The following CATSPERB variants were observed in gnomAD, a reference collection of about 807,000 sequenced individuals.
The protein encoded by CATSPERB is catsper channel auxiliary subunit beta, also known as cation channel sperm-associated auxiliary subunit beta.
A neutral mutation model predicts 128.3 loss-of-function variants in CATSPERB; 93 were observed. That is an observed-to-expected ratio of 0.72 (90% confidence interval 0.61 to 0.86). The LOEUF is 0.86. Ranked by LOEUF, CATSPERB falls within the 40% of genes least tolerant of loss-of-function variation. The pLI is 0.00. For missense variants in CATSPERB, 1,153 were observed against 1,329.5 expected (o/e 0.87, Z 2.06); for synonymous variants, 381 against 448.8 (o/e 0.85, Z 1.91).
intron 7 of CATSPERB, among the ~76,000 whole-genome samples, chr14:91,700,025 C>T (rs914908874): frequency 5.3e-5 from 8 of 151,878 alleles, no homozygotes; most frequent in African/African-American, 1.9e-4. Flanking sequence ...TGGTGGTTTG[C>T]TGCACCCATC....
intron 14 of CATSPERB, among the ~76,000 whole-genome samples, chr14:91,667,829 T>G (rs963045587): frequency 1.3e-5 from 2 of 152,156 alleles, no homozygotes; most frequent in Non-Finnish European, 2.9e-5. Context: ...ACCTCTGGAG[T>G]TGGGCAACAT....
intron 23 of CATSPERB, among the ~76,000 whole-genome samples, chr14:91,590,817 A>AT (rs1002626896): frequency 8.0e-5 from 12 of 150,690 alleles, no homozygotes; most frequent in African/African-American, 1.5e-4. Flanking sequence ...CGCCCGGCTA[A>AT]TTTTTTTGTA....
intron 22 of CATSPERB, among the ~76,000 whole-genome samples, chr14:91,597,182 G>A (rs61991989): frequency 0.13 from 19,546 of 151,920 alleles, 1,384 homozygotes; most frequent in Non-Finnish European, 0.17. Flanking sequence ...GAACCACAGC[G>A]CCTGGCCAAA....
intron 26 of CATSPERB, among the ~76,000 whole-genome samples, chr14:91,584,617 T>C (rs1343060193): frequency 6.6e-6 from 1 of 152,222 alleles, no homozygotes; most frequent in Non-Finnish European, 1.5e-5. Context: ...CTTAGTTTTC[T>C]CTCATTTGAG....
intron 5 of CATSPERB, among the ~76,000 whole-genome samples, chr14:91,711,044 G>A (rs911462540): frequency 7.2e-5 from 11 of 152,020 alleles, no homozygotes; most frequent in African/African-American, 2.4e-4. Context: ...ACTGATTAGG[G>A]GCTCAGCGTA....
Position 91,667,458 on chromosome 14 carries a change from G to A in CATSPERB, c.1287+2356C>T, listed in dbSNP as rs117349231. Among the ~76,000 whole-genome samples the A allele has an allele frequency of 7.3e-4, 111 of 152,258 alleles. 1 individual carries two copies. In the East Asian group the frequency reaches 0.02, roughly 28 times the overall value. On this transcript the variant is annotated intron_variant, in intron 14 of 26. Transcript: ENST00000256343. ...GACAGAAGGAAAGAGAGAGATAGAAGTAGTCAAGAAAAAACAGCGTACCCT... is the reference window on the plus strand; with the variant it reads ...GACAGAAGGAAAGAGAGAGATAGAAATAGTCAAGAAAAAACAGCGTACCCT...
At chr14:91,630,996 C>T (rs1894265255) in intron 17 of CATSPERB, among the ~76,000 whole-genome samples, 1 of 152,212 alleles carries the variant, frequency 6.6e-6, no homozygotes, top group African/African-American at 2.4e-5. Flanking sequence ...TCACTGTATG[C>T]AACTTCTTTA....
At chr14:91,641,118 T>G (rs1894490534) in intron 15 of CATSPERB, among the ~76,000 whole-genome samples, 1 of 141,500 alleles carries the variant, frequency 7.1e-6, no homozygotes, top group Non-Finnish European at 1.5e-5. Flanking sequence ...TTGAGTTCAT[T>G]GTAGATTCTG....
rs1418779042 is a variant in CATSPERB at position 91,728,268 on chromosome 14, T to C, written c.79+1133A>G. On this transcript the variant is annotated intron_variant, in intron 2 of 26. Transcript: ENST00000256343. Reference sequence around the variant, plus strand: ...TAGCTGGGACTGCAGGTGAGCACCATCACACCTGGCTAAATTTTGTATTTT... The same window carrying C: ...TAGCTGGGACTGCAGGTGAGCACCACCACACCTGGCTAAATTTTGTATTTT... Among the ~76,000 whole-genome samples the C allele has an allele frequency of 2.6e-5, 4 of 151,976 alleles. 1 individual carries two copies. Among genetic ancestry groups the C allele is most frequent in the African/African-American group, 9.7e-5 (4 of 41,370 alleles).
At chr14:91,592,924 C>T (rs1451972233) in intron 22 of CATSPERB, among the ~76,000 whole-genome samples, 3 of 152,172 alleles carry the variant, frequency 2.0e-5, no homozygotes, top group Non-Finnish European at 4.4e-5. Flanking sequence ...GCACAGGGTC[C>T]CCATGCTGTG....
rs1316905367 is a variant in CATSPERB at position 91,669,822 on chromosome 14, C to T, written c.1279G>A (p.Gly427Ser). 6.2e-7 allele frequency: 1 copy of T among 1,612,514 alleles called. No homozygotes were observed. The highest frequency in any genetic ancestry group is 1.7e-5 in the Admixed American group (1 of 59,656). ...HPRSHFLYAY[G>S]NQIWLSVDGG... ...GTTCCATGTGTACGCACCTGATTGC[C>T]ATAAGCATACAAAAAGTGGCTTCGG... Residue 427 changes from glycine (G) to serine (S), a missense_variant, in exon 14 of 27, where the codon GGC (glycine) becomes AGC (serine). Physicochemically the swap from Gly to Ser is moderately conservative, Grantham distance 56. Coordinates refer to ENST00000256343, the MANE Select transcript of CATSPERB (RefSeq NM_024764.4).
intron 11 of CATSPERB, among the ~76,000 whole-genome samples, chr14:91,678,012 G>A (rs1182022557): frequency 6.6e-6 from 1 of 152,188 alleles, no homozygotes; most frequent in African/African-American, 2.4e-5. Context: ...TTACTCATAA[G>A]TGGGAGTTGA....
intron 21 of CATSPERB, among the ~76,000 whole-genome samples, chr14:91,609,451 C>T (rs1284312607): frequency 2.0e-5 from 3 of 152,156 alleles, no homozygotes; most frequent in African/African-American, 7.2e-5. Context: ...CCAAGTAGCA[C>T]CAGAAGGCGG....
intron 7 of CATSPERB, among the ~76,000 whole-genome samples, chr14:91,703,983 G>C (rs556451990): frequency 2.0e-5 from 3 of 152,202 alleles, no homozygotes; most frequent in Admixed American, 6.5e-5. Context: ...TGGCTGGAGA[G>C]GGGGGTCTGT....
At chr14:91,598,740 C>A (rs1176655922) in intron 22 of CATSPERB, among the ~76,000 whole-genome samples, 1 of 151,664 alleles carries the variant, frequency 6.6e-6, no homozygotes, top group Non-Finnish European at 1.5e-5. Flanking sequence ...CGCTTGTAGT[C>A]CCAGCTACTT....
intron 11 of CATSPERB, among the ~76,000 whole-genome samples, chr14:91,681,635 G>A (rs902879795): frequency 2.6e-5 from 4 of 152,182 alleles, no homozygotes; most frequent in African/African-American, 9.7e-5. Flanking sequence ...TACTAACCAT[G>A]CATCAGTTTT....
chr14:91,696,019 G>T (rs1174807656), intron 7 of CATSPERB, among the ~76,000 whole-genome samples: 1 of 152,178 alleles, frequency 6.6e-6, no homozygotes, highest in Non-Finnish European at 1.5e-5. Flanking sequence ...TGGATCAAGA[G>T]TTCTGGATCA....
chr14:91,691,504 G>A lies in CATSPERB; in HGVS notation c.864+19C>T. The A allele has an allele frequency of 6.3e-7, 1 of 1,581,508 alleles. No homozygotes were observed. The highest frequency in any genetic ancestry group is 8.6e-7 in the Non-Finnish European group (1 of 1,162,352). ...ACACATATCTTCTAACCAGCCCTGG[G>A]AAATATAAAGCTTCTTACCCTTTCA... On this transcript the variant is annotated intron_variant, in intron 10 of 26. Coordinates refer to ENST00000256343, the MANE Select transcript of CATSPERB (RefSeq NM_024764.4).
intron 11 of CATSPERB, among the ~76,000 whole-genome samples, chr14:91,676,534 T>C (rs1243537859): frequency 6.6e-6 from 1 of 151,304 alleles, no homozygotes; most frequent in African/African-American, 2.4e-5. Context: ...TTTTTTTTTT[T>C]CTGCCTGCCT....
Sources: gnomAD v4.1 joint callset for allele counts (sites outside exome capture counted in the v4.1 genomes callset) on GRCh38, gnomAD v4.1.1 for gene constraint, MANE v1.5 for transcripts, NCBI Gene and HGNC (gene_info 2026-07-23, HGNC 2026-07-21) for gene names.